The following ZGRF1 variants were observed in gnomAD, a reference collection of about 807,000 sequenced individuals.
The protein encoded by ZGRF1 is zinc finger GRF-type containing 1.
A neutral mutation model predicts 203.5 loss-of-function variants in ZGRF1; 196 were observed. The observed-to-expected ratio is 0.96, with a 90% confidence interval of 0.86 to 1.08. The LOEUF (loss-of-function observed/expected upper bound fraction) is 1.08, where lower values mean the gene tolerates loss of function less well. Ranked by LOEUF, ZGRF1 falls within the 50% of genes least tolerant of loss-of-function variation. ZGRF1 has a pLI of 0.00. For missense variants in ZGRF1, 2,326 were observed against 2,416.3 expected, an observed-to-expected ratio of 0.96 and a Z score of 0.78; for synonymous variants, 809 against 841.3, an observed-to-expected ratio of 0.96 and a Z score of 0.66.
chr4:112,548,429 AAG>A, intron 22 of ZGRF1, 49 bp from the exon 23 acceptor site: 1 of 1,444,716 alleles, frequency 6.9e-7, no homozygotes, highest in East Asian at 2.5e-5. Context: ...AAAAGAAAAT[AAG>A]AGAACGTATT....
chr4:112,591,829 A>T (rs773060626), intron 10 of ZGRF1, among the ~76,000 whole-genome samples: 1 of 152,094 alleles, frequency 6.6e-6, no homozygotes, highest in South Asian at 2.1e-4. Context: ...ATCCCCCTAC[A>T]TACCAGTGTC....
At position 112,623,804 on chromosome 4, in the gene ZGRF1, C is replaced by G. The variant is rs775648125; in HGVS notation, c.162+13G>C. The G allele has an allele frequency of 1.4e-6, 2 of 1,415,098 alleles. No individual in the cohort carries two copies. Among genetic ancestry groups the G allele is most frequent in the South Asian group, 2.5e-5 (2 of 80,440 alleles). The allele number at this position is 1,415,098 out of a possible 1,614,324, so 87.7% of individuals were successfully genotyped here. A position where few individuals can be genotyped will look rare whatever the true frequency, so the allele number is the denominator to read the frequency against. The stretch of plus-strand genomic sequence containing the variant: ...AATAATAACTTAAAAATAAGATAAA[C>G]ACACTAAAATACCTCAAGGCATTTA... On this transcript the variant is annotated intron_variant, in intron 4 of 27. Transcript: ENST00000505019.
intron 10 of ZGRF1, among the ~76,000 whole-genome samples, chr4:112,600,767 C>G (rs111807676): frequency 0.07 from 10,612 of 152,158 alleles, 511 homozygotes; most frequent in Non-Finnish European, 0.099. Flanking sequence ...TCTCAAGTAG[C>G]AGAACACGTT....
At chr4:112,590,491 G>A (rs1747967103) in intron 10 of ZGRF1, among the ~76,000 whole-genome samples, 1 of 152,026 alleles carries the variant, frequency 6.6e-6, no homozygotes, top group South Asian at 2.1e-4. Context: ...ATAAAATTTG[G>A]AAGAATACAT....
chr4:112,595,054 C>CAGAA (rs1748771988), intron 10 of ZGRF1, among the ~76,000 whole-genome samples: 1 of 151,888 alleles, frequency 6.6e-6, no homozygotes, highest in Non-Finnish European at 1.5e-5. Flanking sequence ...CCAGCCTGGC[C>CAGAA]AACATGGTGA....
chr4:112,562,373 T>C lies in ZGRF1; in HGVS notation c.4695A>G (p.Thr1565=). 1 of 1,564,860 alleles carries C rather than the reference T, an allele frequency of 6.4e-7. No homozygotes were observed. The highest frequency in any genetic ancestry group is 8.8e-7 in the Non-Finnish European group (1 of 1,139,268). Residue 1565 remains threonine, a splice_region_variant and synonymous_variant, in exon 18 of 28, where the codon ACA becomes ACG. Coordinates refer to ENST00000505019, the MANE Select transcript of ZGRF1 (RefSeq NM_018392.5). ...ATLPLTQYLL[T]TSSPTIVSNK... ...CTCAAAGGTAAAAAATGACTTACGT[T>C]GTTAACAGGTACTGTGTTAGAGGTA...
chr4:112,564,821 T>C (rs1742698070), intron 16 of ZGRF1, among the ~76,000 whole-genome samples: 1 of 152,226 alleles, frequency 6.6e-6, no homozygotes, highest in African/African-American at 2.4e-5. Context: ...ACATACATAA[T>C]GTTCCTGCAC....
At chr4:112,603,487 A>G in intron 10 of ZGRF1, 37 bp downstream of exon 10, 1 of 1,502,860 alleles carries the variant, frequency 6.7e-7, no homozygotes, top group Non-Finnish European at 9.2e-7. Context: ...CATAAAGAAA[A>G]TGATTTGGCA....
intron 16 of ZGRF1, among the ~76,000 whole-genome samples, chr4:112,566,085 T>G (rs964915392): frequency 6.6e-6 from 1 of 152,028 alleles, no homozygotes; most frequent in African/African-American, 2.4e-5. Context: ...AGCAAAGACT[T>G]GGAACCAACC....
rs1455382064 is a variant in ZGRF1, at chr4:112,563,359, T to C, written c.4439-85A>G. On this transcript the variant is annotated intron_variant, in intron 16 of 27. Coordinates refer to ENST00000505019, the MANE Select transcript of ZGRF1 (RefSeq NM_018392.5). Reference sequence around the variant, plus strand: ...TAGAAATTATATATATTTGCATATGTGTGTACATATATCTATAGTACACAT... The same window carrying C: ...TAGAAATTATATATATTTGCATATGCGTGTACATATATCTATAGTACACAT... 54 of 978,764 alleles carry C rather than the reference T, an allele frequency of 5.5e-5. 1 individual carries two copies. The highest frequency in any genetic ancestry group is 3.4e-4 in the South Asian group (19 of 55,984). 60.6% of individuals were successfully genotyped at this position (978,764 alleles called of 1,614,324 possible). A position where few individuals can be genotyped will look rare whatever the true frequency, so the allele number is the denominator to read the frequency against.
chr4:112,623,946 G>A, intron 3 of ZGRF1, 70 bp from the exon 4 acceptor site: 1 of 772,694 alleles, frequency 1.3e-6, no homozygotes, highest in South Asian at 1.6e-5. Context: ...TCTTCAAGAG[G>A]AAATAAGTAA....
intron 24 of ZGRF1, among the ~76,000 whole-genome samples, chr4:112,545,745 G>T (rs77193829): frequency 0.011 from 1,671 of 152,222 alleles, 10 homozygotes; most frequent in Middle Eastern, 0.044. Flanking sequence ...CAACAGAAAT[G>T]TAGTACACAC....
At chr4:112,582,839 C>A (rs28536029) in intron 15 of ZGRF1, among the ~76,000 whole-genome samples, 23,726 of 152,022 alleles carry the variant, frequency 0.16, 2,137 homozygotes, top group East Asian at 0.42. Context: ...TGAGTAAGAT[C>A]CCATTGTGTG....
Position 112,615,134 on chromosome 4 carries a change from T to C in ZGRF1, c.2602+2306A>G, listed in dbSNP as rs188466625. Among the ~76,000 whole-genome samples, 688 of 152,314 alleles carry C rather than the reference T, an allele frequency of 4.5e-3. 8 individuals carry two copies. Among genetic ancestry groups the C allele is most frequent in the Non-Finnish European group, 7.8e-3 (533 of 68,040 alleles). ...GAGCAAGGTTTACTATTACTAGTTA[T>C]GTGTTTGCAGTGACTTCACAGAACT... is the stretch of plus-strand genomic sequence containing the variant. On this transcript the variant is annotated intron_variant, in intron 6 of 27. Coordinates refer to ENST00000505019, the MANE Select transcript of ZGRF1 (RefSeq NM_018392.5).
intron 10 of ZGRF1, among the ~76,000 whole-genome samples, chr4:112,598,778 C>T (rs939665974): frequency 1.3e-5 from 2 of 151,996 alleles, no homozygotes; most frequent in Non-Finnish European, 2.9e-5. Context: ...AGGCCAGTCA[C>T]GGTGTCAGAT....
intron 16 of ZGRF1, chr4:112,565,387 G>C: frequency 1.2e-6 from 1 of 864,330 alleles, no homozygotes; most frequent in Non-Finnish European, 1.9e-6. Flanking sequence ...CATACGTTGA[G>C]AATGTGCTTT....
chr4:112,625,224 G>A (rs2047194031), intron 3 of ZGRF1, among the ~76,000 whole-genome samples: 1 of 152,212 alleles, frequency 6.6e-6, no homozygotes, highest in Non-Finnish European at 1.5e-5. Flanking sequence ...AAGGGTTTGA[G>A]GCTACAGTGA....
chr4:112,588,726 G>T (rs1042920446), intron 11 of ZGRF1, among the ~76,000 whole-genome samples: 1 of 152,112 alleles, frequency 6.6e-6, no homozygotes, highest in Non-Finnish European at 1.5e-5. Flanking sequence ...TTATAATAAT[G>T]TGCCTTCCTG....
In ZGRF1 at chr4:112,630,289, A is replaced by C. The variant is rs141625651; in HGVS notation, c.102+1641T>G. Among the ~76,000 whole-genome samples, 812 of 152,210 alleles carry C rather than the reference A, an allele frequency of 5.3e-3. 5 individuals are homozygous for C. Among genetic ancestry groups the C allele is most frequent in the African/African-American group, 0.018 (756 of 41,560 alleles). On this transcript the variant is annotated intron_variant, in intron 3 of 27. Transcript: ENST00000505019. Reference sequence around the variant, plus strand: ...TCCCAGCACTTTGGGAGGCCTAGGGAGGTGGATTACCTGAAGTCAGGAGTT... The same window carrying C: ...TCCCAGCACTTTGGGAGGCCTAGGGCGGTGGATTACCTGAAGTCAGGAGTT...
Sources: allele counts gnomAD v4.1 joint callset (sites outside exome capture counted in the v4.1 genomes callset), GRCh38; gene constraint gnomAD v4.1.1; transcripts MANE v1.5; gene names NCBI Gene and HGNC (gene_info 2026-07-23, HGNC 2026-07-21).